STARD4: variants seen among roughly 807,000 people sequenced by gnomAD.
The protein encoded by STARD4 is stAR-related lipid transfer protein 4.
STARD4 carries 33 observed loss-of-function variants against 24.9 expected under a neutral mutation model. That is an observed-to-expected ratio of 1.32 (90% CI 1.00 to 1.77). The LOEUF (loss-of-function observed/expected upper bound fraction) is 1.77, where lower values mean the gene tolerates loss of function less well. STARD4 is among the 40% of genes most tolerant of loss of function. The pLI, the probability that STARD4 is intolerant of heterozygous loss-of-function variation, is 0.00. For synonymous variants in STARD4, 88 were observed against 77.4 expected, an observed-to-expected ratio of 1.14 and a Z score of -0.72; for missense variants, 238 against 249.3, an observed-to-expected ratio of 0.95 and a Z score of 0.31.
intron 3 of STARD4, among the ~76,000 whole-genome samples, chr5:111,504,317 T>C (rs1756685135): frequency 6.6e-6 from 1 of 152,148 alleles, no homozygotes; most frequent in Non-Finnish European, 1.5e-5. Context: ...TGTGGTATAT[T>C]CACATAGAGG....
At position 111,501,955 on chromosome 5, in the gene STARD4, T is replaced by C. The variant is rs375633893; in HGVS notation, c.282+7A>G. 16 of 1,613,842 alleles carry C rather than the reference T, an allele frequency of 9.9e-6. No individual in the cohort carries two copies. The highest frequency in any genetic ancestry group is 1.6e-4 in the Middle Eastern group (1 of 6,080). The stretch of plus-strand genomic sequence containing the variant: ...CACAGTCTAAAGTAATGTTTCTAAA[T>C]AGATACCTCTTCAAAGTTCTCCAGA... On this transcript the variant is annotated splice_region_variant and intron_variant, in intron 4 of 5. Coordinates refer to ENST00000296632, the MANE Select transcript of STARD4 (RefSeq NM_139164.3).
rs1358847327 is a variant in STARD4 at position 111,497,562 on chromosome 5, T to A, written c.*2324A>T. The A allele has an allele frequency of 1.3e-5, 2 of 152,090 alleles. No homozygotes were observed. Among genetic ancestry groups the A allele is most frequent in the Non-Finnish European group, 2.9e-5 (2 of 67,920 alleles). 9.4% of individuals were successfully genotyped at this position (152,090 alleles called of 1,614,324 possible). On this transcript the variant is annotated 3_prime_UTR_variant, in exon 6 of 6. Transcript: ENST00000296632. The stretch of plus-strand genomic sequence containing the variant: ...TATCAGAATAAATCTTTACATCAAT[T>A]ACATGTTAAAATGATAACATTTTGG...
rs907037467 is a variant in STARD4 at position 111,499,664 on chromosome 5, C to T, written c.*222G>A. 1.9e-6 allele frequency: 1 copy of T among 526,774 alleles called. No individual in the cohort carries two copies. The highest frequency in any genetic ancestry group is 1.9e-5 in the African/African-American group (1 of 51,988). 32.6% of individuals were successfully genotyped at this position (526,774 alleles called of 1,614,324 possible). Reference sequence around the variant, plus strand: ...TACCACTGCCCTCCAGCATGGGCAACAGAGTGAGAGCCTGTCTCAAAATTT... The same window carrying T: ...TACCACTGCCCTCCAGCATGGGCAATAGAGTGAGAGCCTGTCTCAAAATTT... On this transcript the variant is annotated 3_prime_UTR_variant, in exon 6 of 6. Coordinates refer to ENST00000296632, the MANE Select transcript of STARD4 (RefSeq NM_139164.3).
In STARD4 at chr5:111,497,189, T is replaced by G. The variant is rs556113219; in HGVS notation, c.*2697A>C. The G allele has an allele frequency of 6.6e-6, 1 of 152,028 alleles. No homozygotes were observed. The highest frequency in any genetic ancestry group is 2.4e-5 in the African/African-American group (1 of 41,430). 9.4% of individuals were successfully genotyped at this position (152,028 alleles called of 1,614,324 possible). A position where few individuals can be genotyped will look rare whatever the true frequency, so the allele number is the denominator to read the frequency against. ...TAACAAGAAGGCAGATTATATTCTT[T>G]CATTTCACCAACTGCCATATCAAAA... On this transcript the variant is annotated 3_prime_UTR_variant, in exon 6 of 6. Coordinates refer to ENST00000296632, the MANE Select transcript of STARD4 (RefSeq NM_139164.3).
In STARD4 at chr5:111,498,487, A is replaced by G. The variant is rs1756217695; in HGVS notation, c.*1399T>C. The G allele has an allele frequency of 6.6e-6, 1 of 151,884 alleles. No homozygotes were observed. Among genetic ancestry groups the G allele is most frequent in the Non-Finnish European group, 1.5e-5 (1 of 67,950 alleles). The allele number at this position is 151,884 out of a possible 1,614,324, so 9.4% of individuals were successfully genotyped here. The stretch of plus-strand genomic sequence containing the variant: ...AGTAGAATATGAGACTTCCTACTCT[A>G]CGCTAATAAAAACAAATAAAAAATA... On this transcript the variant is annotated 3_prime_UTR_variant, in exon 6 of 6. Coordinates refer to ENST00000296632, the MANE Select transcript of STARD4 (RefSeq NM_139164.3).
At position 111,506,287 on chromosome 5, in the gene STARD4, G is replaced by A. The variant is rs191030185; in HGVS notation, c.155+43C>T. 60 of 1,035,614 alleles carry A rather than the reference G, an allele frequency of 5.8e-5. No homozygotes were observed. The African/African-American group carries it at 9.7e-4, about 17-fold the overall frequency. 64.2% of individuals were successfully genotyped at this position (1,035,614 alleles called of 1,614,324 possible). A position where few individuals can be genotyped will look rare whatever the true frequency, so the allele number is the denominator to read the frequency against. Reference sequence around the variant, plus strand: ...CTTAGTGACAATGGATATAAGTTTTGAAATGTCTTAAGAGCTGTGTAAGTC... The same window carrying A: ...CTTAGTGACAATGGATATAAGTTTTAAAATGTCTTAAGAGCTGTGTAAGTC... On this transcript the variant is annotated intron_variant, in intron 3 of 5. Coordinates refer to ENST00000296632, the MANE Select transcript of STARD4 (RefSeq NM_139164.3).
At position 111,501,143 on chromosome 5, in the gene STARD4, T is replaced by C. The variant is rs1756420153; in HGVS notation, c.283-27A>G. 3 of 1,570,774 alleles carry C rather than the reference T, an allele frequency of 1.9e-6. No homozygotes were observed. The East Asian group carries it at 6.7e-5, about 35-fold the overall frequency. On this transcript the variant is annotated intron_variant, in intron 4 of 5. Coordinates refer to ENST00000296632, the MANE Select transcript of STARD4 (RefSeq NM_139164.3). The stretch of plus-strand genomic sequence containing the variant: ...TGAAAAAGAAGAGATAAGACAAGTG[T>C]TACTACTATAGGAAACATACATAGC...
In STARD4 at chr5:111,507,707, A is replaced by C. The variant is rs1318937429; in HGVS notation, c.-9-265T>G. ...AAATCACTCATACAGAAAGTAGAAG[A>C]GAAGACAGGAGGAAGGGGAAGCAAT... On this transcript the variant is annotated intron_variant, in intron 1 of 5. Transcript: ENST00000296632. The surrounding 1 kb of genome is among the most constrained non-coding windows in gnomAD (Gnocchi z 4.4). Among the ~76,000 whole-genome samples, 7 of 152,162 alleles carry C rather than the reference A, an allele frequency of 4.6e-5. No individual in the cohort carries two copies.
chr5:111,502,125 T>TA (rs751256387), intron 3 of STARD4, 37 bp from the exon 4 acceptor site: 1 of 1,597,990 alleles, frequency 6.3e-7, no homozygotes, highest in Non-Finnish European at 8.5e-7. Flanking sequence ...GCTGTTACAA[T>TA]AAAAAAATTT....
Position 111,501,125 on chromosome 5 carries a change from G to T in STARD4, c.283-9C>A. On this transcript the variant is annotated splice_polypyrimidine_tract_variant and intron_variant, in intron 4 of 5. Coordinates refer to ENST00000296632, the MANE Select transcript of STARD4 (RefSeq NM_139164.3). ...CGCATCACACAGCAATTCTGAAAAA[G>T]AAGAGATAAGACAAGTGTTACTACT... 2 of 1,585,290 alleles carry T rather than the reference G, an allele frequency of 1.3e-6. No individual in the cohort carries two copies. The highest frequency in any genetic ancestry group is 8.5e-7 in the Non-Finnish European group (1 of 1,170,754).
intron 5 of STARD4, chr5:111,500,377 G>C (rs1251862365): frequency 2.6e-6 from 3 of 1,133,426 alleles, no homozygotes; most frequent in Non-Finnish European, 3.2e-6. Context: ...TACAAATCTT[G>C]GTTGTAGTAT....
chr5:111,508,051 G>A (rs539780734), intron 1 of STARD4, among the ~76,000 whole-genome samples: 36 of 152,180 alleles, frequency 2.4e-4, no homozygotes, highest in African/African-American at 8.4e-4. Context: ...CCCTCAAACA[G>A]GCTAGCTTAT....
chr5:111,507,452 A>G lies in STARD4; in HGVS notation c.-9-10T>C, dbSNP rs765400633. ...CTTCCATTACTTCTCTCTGTTATGG[A>G]GACCAAGATTAGCATCAGCAAATAC... On this transcript the variant is annotated splice_polypyrimidine_tract_variant and intron_variant, in intron 1 of 5. Transcript: ENST00000296632. This position sits in a 1 kb window ranked among gnomAD's most constrained non-coding sequence, Gnocchi z 4.4. 3 of 1,604,518 alleles carry G rather than the reference A, an allele frequency of 1.9e-6. No individual in the cohort carries two copies. Among genetic ancestry groups the G allele is most frequent in the South Asian group, 2.2e-5 (2 of 89,528 alleles).
Position 111,506,330 on chromosome 5 carries a change from A to G in STARD4, c.155T>C (p.Leu52Pro). ...TGTAAGTCTATAAAAAGTTACTTAC[A>G]GATATCCATTAAATTCTTCTGAGGG... ...RKPSEEFNGYLYKAQGVIDDL... is the reference protein window; with the variant it reads ...RKPSEEFNGYPYKAQGVIDDL... Residue 52 changes from leucine to proline, a missense_variant and splice_region_variant, in exon 3 of 6, where the codon CTC becomes CCC. By Grantham distance (98) the Leu-to-Pro change is moderately conservative (BLOSUM62 -3). Coordinates refer to ENST00000296632, the MANE Select transcript of STARD4 (RefSeq NM_139164.3). The G allele has an allele frequency of 6.7e-7, 1 of 1,492,616 alleles. No individual in the cohort carries two copies. The highest frequency in any genetic ancestry group is 1.8e-4 in the Middle Eastern group (1 of 5,670). 92.5% of individuals were successfully genotyped at this position (1,492,616 alleles called of 1,614,324 possible).
chr5:111,499,689 TA>T lies in STARD4; in HGVS notation c.*196del, dbSNP rs879536461. The T allele has an allele frequency of 0.091, 38,434 of 422,622 alleles. No individual in the cohort carries two copies. Among genetic ancestry groups the T allele is most frequent in the South Asian group, 0.13 (4,223 of 31,500 alleles). 26.2% of individuals were successfully genotyped at this position (422,622 alleles called of 1,614,324 possible). A position where few individuals can be genotyped will look rare whatever the true frequency, so the allele number is the denominator to read the frequency against. On this transcript the variant is annotated 3_prime_UTR_variant, in exon 6 of 6. Transcript: ENST00000296632. ...CAGAGTGAGAGCCTGTCTCAAAATT[TA>T]AAAAAAAAAAAGTGAAAATGCCCTC...
chr5:111,496,327 T>C lies in STARD4; in HGVS notation c.*3559A>G, dbSNP rs1409879994. ...TTTGAAATTATTCTGATGTTTCTTC[T>C]ACACTCAAGTCCCAACCTTCTCTAC... On this transcript the variant is annotated 3_prime_UTR_variant, in exon 6 of 6. Transcript: ENST00000296632. 2 of 152,128 alleles carry C rather than the reference T, an allele frequency of 1.3e-5. No individual in the cohort carries two copies. The highest frequency in any genetic ancestry group is 4.8e-5 in the African/African-American group (2 of 41,450). The allele number at this position is 152,128 out of a possible 1,614,324, so 9.4% of individuals were successfully genotyped here.
rs914495417 is a variant in STARD4, at chr5:111,501,004, C to G, written c.395G>C (p.Cys132Ser). 1 of 1,613,598 alleles carries G rather than the reference C, an allele frequency of 6.2e-7. No homozygotes were observed. The highest frequency in any genetic ancestry group is 1.3e-5 in the African/African-American group (1 of 74,850). Residue 132 changes from cysteine to serine, a missense_variant and splice_region_variant, in exon 5 of 6, where the codon TGT (cysteine) becomes TCT (serine). By Grantham distance (112) the Cys-to-Ser change is moderately radical. Transcript: ENST00000296632. ...TVGYKEGLLS[C>S]GISLDWDEKR... Reference sequence around the variant, plus strand: ...GCATAACATGTTGAGATTATTACCACAAGATAAAAGCCCTTCTTTATAGCC... The same window carrying G: ...GCATAACATGTTGAGATTATTACCAGAAGATAAAAGCCCTTCTTTATAGCC...
chr5:111,506,175 C>CA (rs1756842805), intron 3 of STARD4, 155 bp downstream of exon 3: 2 of 287,284 alleles, frequency 7.0e-6, no homozygotes, highest in African/African-American at 3.2e-5. Context: ...GCCTGGGTGA[C>CA]AGAGTGAGAC....
At chr5:111,504,188 C>T (rs553629440) in intron 3 of STARD4, among the ~76,000 whole-genome samples, 2 of 152,242 alleles carry the variant, frequency 1.3e-5, no homozygotes, top group African/African-American at 2.4e-5. Flanking sequence ...GAAAATTACA[C>T]GTGTGCACAA....
Sources: allele counts gnomAD v4.1 joint callset (sites outside exome capture counted in the v4.1 genomes callset), GRCh38; gene constraint gnomAD v4.1.1; non-coding constraint Gnocchi (gnomAD v3.1); transcripts MANE v1.5; gene names NCBI Gene and HGNC (gene_info 2026-07-23, HGNC 2026-07-21).